Variants in GRIK1 observed in about 807,000 individuals in gnomAD.
The protein encoded by GRIK1 is glutamate receptor ionotropic, kainate 1.
Under a neutral mutation model 105.7 loss-of-function variants are expected in GRIK1, and 69 were observed. The observed-to-expected ratio is 0.65, with a 90% CI of 0.54 to 0.80. GRIK1 has a LOEUF of 0.80. GRIK1 is among the 30% of genes least tolerant of loss of function. The pLI is 0.00. For missense variants in GRIK1, 1,109 were observed against 1,167.3 expected (o/e 0.95, Z 0.73); for synonymous variants, 438 against 431.3 (o/e 1.02, Z -0.19).
At chr21:29,542,495 A>G (rs1438933553) in intron 16 of GRIK1, among the ~76,000 whole-genome samples, 1 of 152,228 alleles carries the variant, frequency 6.6e-6, no homozygotes, top group African/African-American at 2.4e-5. Context: ...TGCCTCACGA[A>G]GAATGATTCA....
chr21:29,849,505 C>T lies in GRIK1; in HGVS notation c.118+89878G>A, dbSNP rs568112741. ...TTTGTTATACTTTGTTTCCTGCGCC[C>T]ATCCTTCCTTAGAGCGTCAGACACA... On this transcript the variant is annotated intron_variant, in intron 1 of 17. Transcript: ENST00000327783. Among the ~76,000 whole-genome samples, 68 of 152,316 alleles carry T rather than the reference C, an allele frequency of 4.5e-4. 2 individuals are homozygous for T. In the South Asian group the frequency reaches 0.014, roughly 32 times the overall value.
At chr21:29,747,557 C>A (rs538805788) in intron 1 of GRIK1, among the ~76,000 whole-genome samples, 1 of 152,066 alleles carries the variant, frequency 6.6e-6, no homozygotes, top group Non-Finnish European at 1.5e-5. Flanking sequence ...TGGGCCAGGC[C>A]GGGTGGCTCA....
At chr21:29,784,027 G>C in intron 1 of GRIK1, among the ~76,000 whole-genome samples, 1 of 152,220 alleles carries the variant, frequency 6.6e-6, no homozygotes, top group South Asian at 2.1e-4. Context: ...GTGCCTCCCG[G>C]GTTCACGCCA....
intron 1 of GRIK1, among the ~76,000 whole-genome samples, chr21:29,924,493 TG>T (rs2071292601): frequency 6.6e-6 from 1 of 152,190 alleles, no homozygotes; most frequent in Non-Finnish European, 1.5e-5. Context: ...ACAACTGCTC[TG>T]AAACCCAATC....
chr21:29,707,813 A>C (rs368234885), intron 1 of GRIK1, among the ~76,000 whole-genome samples: 2 of 151,982 alleles, frequency 1.3e-5, no homozygotes, highest in African/African-American at 4.8e-5. Flanking sequence ...TGTCATTTTC[A>C]CATAGGTACC....
chr21:29,695,464 C>CTA lies in GRIK1; in HGVS notation c.119-1403_119-1402dup, dbSNP rs1453467817. Among the ~76,000 whole-genome samples, 188 of 145,160 alleles carry CTA rather than the reference C, an allele frequency of 1.3e-3. 1 individual carries two copies. Among genetic ancestry groups the CTA allele is most frequent in the Non-Finnish European group, 2.2e-3 (148 of 66,196 alleles). ...TCTATCTATCTATCTATCTATCTAT[C>CTA]TATCTATCTATCTATATATATATAT... On this transcript the variant is annotated intron_variant, in intron 1 of 17. Transcript: ENST00000327783.
At chr21:29,896,128 T>C (rs1225856759) in intron 1 of GRIK1, among the ~76,000 whole-genome samples, 2 of 152,212 alleles carry the variant, frequency 1.3e-5, no homozygotes, top group Non-Finnish European at 2.9e-5. Flanking sequence ...GAGTCTAATA[T>C]GGAACACCTG....
At chr21:29,769,107 C>T (rs1367766719) in intron 1 of GRIK1, among the ~76,000 whole-genome samples, 1 of 152,002 alleles carries the variant, frequency 6.6e-6, no homozygotes, top group Non-Finnish European at 1.5e-5. Flanking sequence ...GTGAGTGGCT[C>T]ATATAGTGCC....
At chr21:29,905,953 G>C (rs1342281125) in intron 1 of GRIK1, among the ~76,000 whole-genome samples, 2 of 141,944 alleles carry the variant, frequency 1.4e-5, no homozygotes, top group African/African-American at 5.3e-5. Context: ...TTGTTTGTTT[G>C]TTTGTTTGTT....
intron 7 of GRIK1, among the ~76,000 whole-genome samples, chr21:29,622,858 T>C (rs2062037121): frequency 6.6e-6 from 1 of 152,200 alleles, no homozygotes. Flanking sequence ...TTATGATATG[T>C]GAATCCATAA....
intron 1 of GRIK1, among the ~76,000 whole-genome samples, chr21:29,792,005 T>A (rs2066431344): frequency 6.6e-6 from 1 of 152,152 alleles, no homozygotes; most frequent in Non-Finnish European, 1.5e-5. Flanking sequence ...ACGTTAGAAT[T>A]TTTGATAAAA....
intron 1 of GRIK1, among the ~76,000 whole-genome samples, chr21:29,938,150 A>G (rs562119297): frequency 2.0e-5 from 3 of 152,354 alleles, no homozygotes; most frequent in African/African-American, 7.2e-5. Context: ...TGTAGGTCAG[A>G]GCTAGTATAG....
intron 4 of GRIK1, among the ~76,000 whole-genome samples, chr21:29,663,142 G>A (rs2062998202): frequency 6.6e-6 from 1 of 152,128 alleles, no homozygotes; most frequent in African/African-American, 2.4e-5. Context: ...TTTGAACCCA[G>A]GTTTGATTTC....
rs188365542 is a variant in GRIK1, at chr21:29,824,498, A to G, written c.118+114885T>C. Among the ~76,000 whole-genome samples, 53 of 152,100 alleles carry G rather than the reference A, an allele frequency of 3.5e-4. 1 individual carries two copies. In the East Asian group the frequency reaches 0.01, roughly 29 times the overall value. ...ACGAAAAGAAGGATCATTGTATGGGAAGTGGGCAAGGAGGTGCTTTTTAGA... is the reference window on the plus strand; with the variant it reads ...ACGAAAAGAAGGATCATTGTATGGGGAGTGGGCAAGGAGGTGCTTTTTAGA... On this transcript the variant is annotated intron_variant, in intron 1 of 17. Coordinates refer to ENST00000327783, the MANE Select transcript of GRIK1 (RefSeq NM_001330994.2).
intron 1 of GRIK1, among the ~76,000 whole-genome samples, chr21:29,818,084 A>G (rs1194534580): frequency 6.6e-6 from 1 of 152,090 alleles, no homozygotes; most frequent in Non-Finnish European, 1.5e-5. Context: ...CTTAGACAAC[A>G]TGGTGTACTG....
At chr21:29,735,482 C>G (rs1265629124) in intron 1 of GRIK1, among the ~76,000 whole-genome samples, 1 of 152,120 alleles carries the variant, frequency 6.6e-6, no homozygotes, top group African/African-American at 2.4e-5. Context: ...TCATTGCACC[C>G]CAAATCTTCT....
At chr21:29,901,178 A>G (rs1269601761) in intron 1 of GRIK1, among the ~76,000 whole-genome samples, 1 of 152,232 alleles carries the variant, frequency 6.6e-6, no homozygotes, top group African/African-American at 2.4e-5. Flanking sequence ...TCCCCACAAG[A>G]GAAAGCAGGA....
chr21:29,578,785 G>A (rs557051087), intron 13 of GRIK1, among the ~76,000 whole-genome samples: 8 of 151,958 alleles, frequency 5.3e-5, no homozygotes, highest in South Asian at 4.2e-4. Context: ...TAATGCCCAA[G>A]GTTGTTTCAT....
intron 1 of GRIK1, among the ~76,000 whole-genome samples, chr21:29,807,669 C>A (rs534457322): frequency 6.6e-6 from 1 of 152,024 alleles, no homozygotes; most frequent in South Asian, 2.1e-4. Flanking sequence ...AATTCAAGAA[C>A]AAATTTGTTG....
Sources: allele counts gnomAD v4.1 joint callset (sites outside exome capture counted in the v4.1 genomes callset), GRCh38; gene constraint gnomAD v4.1.1; transcripts MANE v1.5; gene names NCBI Gene and HGNC (gene_info 2026-07-23, HGNC 2026-07-21).